The following SEL1L3 variants were observed in gnomAD, a reference collection of about 807,000 sequenced individuals.
The protein encoded by SEL1L3 is SEL1L family member 3, also known as protein sel-1 homolog 3.
Under a neutral mutation model 142.8 loss-of-function variants are expected in SEL1L3, and 76 were observed. The observed-to-expected ratio is 0.53, with a 90% CI of 0.44 to 0.64. The LOEUF is 0.64. SEL1L3 is among the 30% of genes least tolerant of loss of function. The probability of loss-of-function intolerance (pLI) is 0.00; values close to 1 mark genes in which losing one functional copy is unlikely to be tolerated. For synonymous variants in SEL1L3, 504 were observed against 519.6 expected, an observed-to-expected ratio of 0.97 and a Z score of 0.41; for missense variants, 1,262 against 1,381.7, an observed-to-expected ratio of 0.91 and a Z score of 1.37.
chr4:25,727,234 A>G, the SEL1L3 span, among the ~76,000 whole-genome samples: 2 of 151,936 alleles, frequency 1.3e-5, no homozygotes, highest in Non-Finnish European at 2.9e-5. Context: ...TTGTATTTTT[A>G]GTAGAGATGG....
intron 2 of SEL1L3, among the ~76,000 whole-genome samples, chr4:25,843,154 G>A (rs1716277703): frequency 6.6e-6 from 1 of 152,086 alleles, no homozygotes; most frequent in Non-Finnish European, 1.5e-5. Context: ...GCTGCAAGGG[G>A]ACAGGGACAG....
rs1386620531 is a variant in SEL1L3, at chr4:25,748,127, A to G, written c.*298T>C. The G allele has an allele frequency of 5.9e-6, 2 of 340,340 alleles. No homozygotes were observed. Among genetic ancestry groups the G allele is most frequent in the Non-Finnish European group, 1.1e-5 (2 of 183,992 alleles). The allele number at this position is 340,340 out of a possible 1,614,324, so 21.1% of individuals were successfully genotyped here. On this transcript the variant is annotated 3_prime_UTR_variant, in exon 24 of 24. Transcript: ENST00000399878. Reference sequence around the variant, plus strand: ...ATCCAGATCTGCCGTAGGGCATGCTATGACTCCTAATACATACAATCACTA... The same window carrying G: ...ATCCAGATCTGCCGTAGGGCATGCTGTGACTCCTAATACATACAATCACTA...
Position 25,790,462 on chromosome 4 carries a change from G to A in SEL1L3, c.2069C>T (p.Ala690Val). ...AGTAGCCTGCGTTTTTACCTGAGCTGCTGCATTGCCTCGGGTAGCTTCATG... is the reference window on the plus strand; with the variant it reads ...AGTAGCCTGCGTTTTTACCTGAGCTACTGCATTGCCTCGGGTAGCTTCATG... Reference protein sequence around the residue: ...LKHEATRGNAAAQQRLAQMLF... With the variant: ...LKHEATRGNAVAQQRLAQMLF... The change falls in exon 12 of 24, where the codon GCA (alanine) becomes GTA (valine). Residue 690 changes from alanine to valine, a missense_variant. By Grantham distance (64) the Ala-to-Val change is moderately conservative (BLOSUM62 0). Around this residue, in one of 3 missense-constraint regions of SEL1L3, gnomAD observed 435 missense variants for 559.2 expected, o/e 0.78. Transcript: ENST00000399878. The A allele has an allele frequency of 6.2e-7, 1 of 1,613,744 alleles. No homozygotes were observed. Among genetic ancestry groups the A allele is most frequent in the Non-Finnish European group, 8.5e-7 (1 of 1,179,762 alleles).
intron 9 of SEL1L3, among the ~76,000 whole-genome samples, chr4:25,806,221 T>C (rs946270658): frequency 6.6e-6 from 1 of 151,848 alleles, no homozygotes; most frequent in African/African-American, 2.4e-5. Flanking sequence ...TGTATTTTAG[T>C]AGAGAGAGGG....
rs117107961 is a variant in SEL1L3, at chr4:25,842,399, C to T, written c.733+4895G>A. 1.6e-3 allele frequency among the ~76,000 whole-genome samples: 240 copies of T among 151,540 alleles called. 2 individuals are homozygous for T. In the East Asian group the frequency reaches 0.04, roughly 25 times the overall value. ...GCTTCGTGGGCAGGGGGAGTCGGGG[C>T]GGAACAGGAGCTATTCTAAGGAAAA... On this transcript the variant is annotated intron_variant, in intron 2 of 23. Coordinates refer to ENST00000399878, the MANE Select transcript of SEL1L3 (RefSeq NM_015187.5).
At chr4:25,734,427 G>T in the SEL1L3 span, among the ~76,000 whole-genome samples, 1 of 152,106 alleles carries the variant, frequency 6.6e-6, no homozygotes, top group East Asian at 1.9e-4. Flanking sequence ...TTTTATCCTT[G>T]TTTAGTCTGT....
At chr4:25,822,703 G>A (rs1476389466) in intron 6 of SEL1L3, among the ~76,000 whole-genome samples, 3 of 152,230 alleles carry the variant, frequency 2.0e-5, no homozygotes, top group African/African-American at 7.2e-5. Flanking sequence ...GGCCGGAGAT[G>A]AGAGGTGAGC....
At chr4:25,782,754 T>C (rs1478753346) in intron 14 of SEL1L3, among the ~76,000 whole-genome samples, 3 of 152,170 alleles carry the variant, frequency 2.0e-5, no homozygotes, top group Non-Finnish European at 4.4e-5. Context: ...AATAGTGCCC[T>C]TGAAATTCAT....
At chr4:25,803,499 G>T (rs1713332862) in intron 10 of SEL1L3, among the ~76,000 whole-genome samples, 1 of 152,246 alleles carries the variant, frequency 6.6e-6, no homozygotes, top group African/African-American at 2.4e-5. Context: ...ATTTAGCAGT[G>T]CTTATTGCGA....
chr4:25,805,258 T>C (rs1713477937), intron 9 of SEL1L3, among the ~76,000 whole-genome samples: 1 of 152,260 alleles, frequency 6.6e-6, no homozygotes, highest in South Asian at 2.1e-4. Context: ...CAACTTTTAT[T>C]GAGAGCTTAC....
intron 19 of SEL1L3, among the ~76,000 whole-genome samples, chr4:25,767,289 T>C (rs899036817): frequency 1.3e-5 from 2 of 151,866 alleles, no homozygotes; most frequent in Non-Finnish European, 2.9e-5. Flanking sequence ...TCTCCAAAAA[T>C]AAAAATCAAA....
rs368115723 is a variant in SEL1L3 at position 25,779,172 on chromosome 4, G to A, written c.2489C>T (p.Ala830Val). 11 of 1,613,486 alleles carry A rather than the reference G, an allele frequency of 6.8e-6. No homozygotes were observed. The highest frequency in any genetic ancestry group is 8.5e-6 in the Non-Finnish European group (10 of 1,179,528). The change falls in exon 16 of 24, where the codon GCG becomes GTG. Residue 830 changes from alanine to valine, a missense_variant. By Grantham distance (64) the Ala-to-Val change is moderately conservative (BLOSUM62 0). Transcript: ENST00000399878. ...GGTCCCTTCCATGTGTCCACCTTGCGCAGCCTTATGGAAATATTCACCAGC... is the reference window on the plus strand; with the variant it reads ...GGTCCCTTCCATGTGTCCACCTTGCACAGCCTTATGGAAATATTCACCAGC... ...TLAGEYFHKAAQGGHMEGTLW... is the reference protein window; with the variant it reads ...TLAGEYFHKAVQGGHMEGTLW...
At chr4:25,756,673 A>C in intron 23 of SEL1L3, 2 of 1,083,730 alleles carry the variant, frequency 1.8e-6, no homozygotes, top group Admixed American at 4.1e-5. Flanking sequence ...GTCCTTAACT[A>C]TTCTATACTG....
intron 11 of SEL1L3, among the ~76,000 whole-genome samples, chr4:25,791,069 G>A (rs1220505790): frequency 1.3e-5 from 2 of 152,342 alleles, no homozygotes; most frequent in East Asian, 3.9e-4. Flanking sequence ...CTATTGCTCA[G>A]GCTTGTTTCG....
chr4:25,796,311 AGGCTGG>A (rs1712743383), intron 11 of SEL1L3, among the ~76,000 whole-genome samples: 1 of 152,140 alleles, frequency 6.6e-6, no homozygotes, highest in Admixed American at 6.5e-5. Context: ...GGAAAGCTGA[AGGCTGG>A]GGCGCAGTGG....
chr4:25,756,434 A>G (rs1717963444), intron 23 of SEL1L3: 1 of 985,030 alleles, frequency 1.0e-6, no homozygotes, highest in South Asian at 4.7e-5. Flanking sequence ...TAAATATAAC[A>G]GCTAACGTTT....
chr4:25,821,895 G>A (rs1436575468), intron 7 of SEL1L3, 101 bp downstream of exon 7: 2 of 1,228,374 alleles, frequency 1.6e-6, no homozygotes, highest in Non-Finnish European at 2.2e-6. Flanking sequence ...GCGATGCATG[G>A]TCTGGCTTGG....
chr4:25,842,290 A>C (rs1332582544), intron 2 of SEL1L3, among the ~76,000 whole-genome samples: 2 of 150,304 alleles, frequency 1.3e-5, no homozygotes, highest in East Asian at 3.9e-4. Context: ...GGGCTAGAAA[A>C]GTGTTAGAAA....
At chr4:25,797,375 C>T (rs1451678770) in intron 11 of SEL1L3, among the ~76,000 whole-genome samples, 1 of 152,160 alleles carries the variant, frequency 6.6e-6, no homozygotes, top group Non-Finnish European at 1.5e-5. Context: ...GGCAGAACCG[C>T]CACGAGGAAC....
Sources: allele counts gnomAD v4.1 joint callset (sites outside exome capture counted in the v4.1 genomes callset), GRCh38; gene constraint gnomAD v4.1.1; regional missense constraint gnomAD v4.1.1; transcripts MANE v1.5; gene names NCBI Gene and HGNC (gene_info 2026-07-23, HGNC 2026-07-21).